DLG2: variants seen among roughly 807,000 people sequenced by gnomAD.
DLG2 encodes discs large MAGUK scaffold protein 2.
Under a neutral mutation model 132.5 loss-of-function variants are expected in DLG2, and 45 were observed. That is an observed-to-expected ratio of 0.34 (90% CI 0.27 to 0.44). The LOEUF is 0.44. DLG2 is among the 20% of genes least tolerant of loss of function. DLG2 has a pLI of 1.00. For synonymous variants in DLG2, 424 were observed against 419.6 expected (o/e 1.01, Z -0.13); for missense variants, 1,045 against 1,196.9 (o/e 0.87, Z 1.87).
At chr11:83,777,444 T>A (rs1451074772) in intron 18 of DLG2, among the ~76,000 whole-genome samples, 1 of 152,214 alleles carries the variant, frequency 6.6e-6, no homozygotes, top group Non-Finnish European at 1.5e-5. Context: ...GTTCAAGACA[T>A]CTCCACTATT....
chr11:85,221,281 C>T (rs2074626072), intron 4 of DLG2, among the ~76,000 whole-genome samples: 1 of 151,976 alleles, frequency 6.6e-6, no homozygotes, highest in African/African-American at 2.4e-5. Flanking sequence ...CGTGATCCAT[C>T]CTCCTGACCT....
intron 19 of DLG2, among the ~76,000 whole-genome samples, chr11:83,612,532 C>T (rs1202791412): frequency 2.6e-5 from 4 of 152,122 alleles, no homozygotes; most frequent in African/African-American, 4.8e-5. Flanking sequence ...TAAGATCTCA[C>T]CCCAGGAGTA....
intron 3 of DLG2, among the ~76,000 whole-genome samples, chr11:85,306,894 C>T (rs1329544769): frequency 1.3e-5 from 2 of 152,076 alleles, no homozygotes; most frequent in African/African-American, 4.8e-5. Flanking sequence ...TTTAATGTAA[C>T]CTGGAAGACT....
intron 6 of DLG2, among the ~76,000 whole-genome samples, chr11:84,822,641 C>G (rs1178662957): frequency 6.6e-6 from 1 of 151,902 alleles, no homozygotes; most frequent in Non-Finnish European, 1.5e-5. Flanking sequence ...AACTATGTTT[C>G]TCTCTTAAGA....
intron 6 of DLG2, among the ~76,000 whole-genome samples, chr11:84,637,166 G>A (rs1201972152): frequency 6.6e-6 from 1 of 152,146 alleles, no homozygotes; most frequent in African/African-American, 2.4e-5. Context: ...GATGTCCAGT[G>A]GGCTTTGCAG....
intron 5 of DLG2, among the ~76,000 whole-genome samples, chr11:85,122,180 G>A (rs982031380): frequency 2.6e-5 from 4 of 152,140 alleles, no homozygotes; most frequent in Non-Finnish European, 5.9e-5. Flanking sequence ...CAAGAAATAG[G>A]CACATGGAAA....
At chr11:83,616,678 G>C (rs2060865437) in intron 19 of DLG2, among the ~76,000 whole-genome samples, 1 of 152,006 alleles carries the variant, frequency 6.6e-6, no homozygotes, top group South Asian at 2.1e-4. Flanking sequence ...ATTTTCCTTT[G>C]TGATTAGTAT....
intron 7 of DLG2, among the ~76,000 whole-genome samples, chr11:84,304,304 G>A (rs1261803867): frequency 4.6e-5 from 7 of 152,160 alleles, no homozygotes; most frequent in African/African-American, 1.7e-4. Context: ...TCTAATCAGG[G>A]AGACTGAGAA....
At chr11:85,524,704 G>A (rs1012717185) in intron 3 of DLG2, among the ~76,000 whole-genome samples, 2 of 152,078 alleles carry the variant, frequency 1.3e-5, no homozygotes, top group African/African-American at 4.8e-5. Flanking sequence ...ACGTTGCCCA[G>A]GTGGGTCTCA....
chr11:83,977,483 C>T (rs2092376995), intron 12 of DLG2, among the ~76,000 whole-genome samples: 1 of 152,038 alleles, frequency 6.6e-6, no homozygotes, highest in South Asian at 2.1e-4. Context: ...TATATTCAAC[C>T]TTGTTTGCAC....
chr11:84,693,614 T>G lies in DLG2; in HGVS notation c.358-158883A>C, dbSNP rs191285921. Among the ~76,000 whole-genome samples the G allele has an allele frequency of 8.3e-4, 126 of 151,890 alleles. 1 individual carries two copies. The highest frequency in any genetic ancestry group is 3.0e-3 in the African/African-American group (124 of 41,508). On this transcript the variant is annotated intron_variant, in intron 6 of 27. Transcript: ENST00000376104. ...AAAACGAGCTTAGGCACTCTCACAG[T>G]AAAAGAACTCCATTGTTTTATACGC...
intron 7 of DLG2, among the ~76,000 whole-genome samples, chr11:84,397,543 G>A (rs1023110627): frequency 2.0e-5 from 3 of 152,148 alleles, no homozygotes; most frequent in African/African-American, 7.2e-5. Context: ...AATTCTCCAT[G>A]CTCTCTCTCT....
At chr11:84,124,013 A>G (rs1290166849) in intron 9 of DLG2, among the ~76,000 whole-genome samples, 1 of 152,224 alleles carries the variant, frequency 6.6e-6, no homozygotes, top group East Asian at 1.9e-4. Flanking sequence ...CTATTTTGCA[A>G]TATTGAATCT....
chr11:84,312,958 C>T lies in DLG2; in HGVS notation c.520-61667G>A, dbSNP rs533515518. On this transcript the variant is annotated intron_variant, in intron 7 of 27. Coordinates refer to ENST00000376104, the MANE Select transcript of DLG2 (RefSeq NM_001142699.3). ...CCCAGTAGCTGGGACTACAGGTGCC[C>T]GCCACCACGCCCGGCCAATTTTTTT... Among the ~76,000 whole-genome samples the T allele has an allele frequency of 1.7e-4, 26 of 149,854 alleles. 2 individuals are homozygous for T. The South Asian group carries it at 3.4e-3, about 20-fold the overall frequency.
chr11:85,581,315 T>G (rs2078502025), intron 3 of DLG2, among the ~76,000 whole-genome samples: 1 of 152,072 alleles, frequency 6.6e-6, no homozygotes, highest in Non-Finnish European at 1.5e-5. Context: ...TAAATCTCTT[T>G]GAGAACGCCT....
intron 3 of DLG2, among the ~76,000 whole-genome samples, chr11:85,507,040 A>G (rs114657631): frequency 1.3e-5 from 2 of 151,840 alleles, no homozygotes; most frequent in East Asian, 3.9e-4. Context: ...TAACCCCTGC[A>G]TTTTTTGTTT....
chr11:85,537,093 T>C (rs1274064331), intron 3 of DLG2, among the ~76,000 whole-genome samples: 1 of 152,120 alleles, frequency 6.6e-6, no homozygotes, highest in African/African-American at 2.4e-5. Flanking sequence ...TTGGAGAACG[T>C]TTGCGTCTAG....
chr11:84,792,737 C>T (rs2074040935), intron 6 of DLG2, among the ~76,000 whole-genome samples: 1 of 152,144 alleles, frequency 6.6e-6, no homozygotes, highest in Admixed American at 6.5e-5. Flanking sequence ...CACTAATGAT[C>T]TTTTGAATTT....
At chr11:84,386,226 C>A (rs1037044102) in intron 7 of DLG2, among the ~76,000 whole-genome samples, 15 of 151,906 alleles carry the variant, frequency 9.9e-5, no homozygotes, top group African/African-American at 1.7e-4. Flanking sequence ...TGTCTCTTTA[C>A]CCTTATATGA....
Sources: allele counts gnomAD v4.1 joint callset (sites outside exome capture counted in the v4.1 genomes callset), GRCh38; gene constraint gnomAD v4.1.1; transcripts MANE v1.5; gene names NCBI Gene and HGNC (gene_info 2026-07-23, HGNC 2026-07-21).